The following LATS2 variants were observed in gnomAD, a reference collection of about 807,000 sequenced individuals.
The protein encoded by LATS2 is serine/threonine-protein kinase LATS2.
In LATS2, 24 loss-of-function variants were observed where a neutral mutation model predicts 76.0. The observed-to-expected ratio is 0.32, with a 90% confidence interval of 0.23 to 0.44. LATS2 has a LOEUF of 0.44. LATS2 is among the 20% of genes least tolerant of loss of function. LATS2 has a pLI of 1.00. For missense variants in LATS2, 1,286 were observed against 1,481.2 expected, an observed-to-expected ratio of 0.87 and a Z score of 2.16; for synonymous variants, 692 against 635.4, an observed-to-expected ratio of 1.09 and a Z score of -1.34.
In LATS2 at chr13:20,988,464, T is replaced by A. The variant is rs1870299817; in HGVS notation, c.1316A>T (p.His439Leu). 8.1e-6 allele frequency: 12 copies of A among 1,485,306 alleles called. No individual in the cohort carries two copies. The highest frequency in any genetic ancestry group is 1.1e-5 in the Non-Finnish European group (12 of 1,121,534). 92.0% of individuals were successfully genotyped at this position (1,485,306 alleles called of 1,614,324 possible). The change falls in exon 4 of 8, where the codon CAC becomes CTC. Residue 439 changes from histidine (H) to leucine (L), a missense_variant. Coordinates refer to ENST00000382592, the MANE Select transcript of LATS2 (RefSeq NM_014572.3). The stretch of plus-strand genomic sequence containing the variant: ...CACGCTCTTCACCGGGTGCAAGATG[T>A]GCGCGGCCGTGACAGCCGTCACGGT... The part of the protein sequence containing the change: ...PNTVTAVTAA[H>L]ILHPVKSVRV...
chr13:21,030,535 G>A (rs528820593), intron 2 of LATS2, among the ~76,000 whole-genome samples: 33 of 145,886 alleles, frequency 2.3e-4, no homozygotes, highest in Non-Finnish European at 7.4e-5. Context: ...CTTGCAGCGA[G>A]CTGAGATCAC....
In LATS2 at chr13:21,031,347, T is replaced by C. The variant is rs138236255; in HGVS notation, c.342+14338A>G. Among the ~76,000 whole-genome samples the C allele has an allele frequency of 3.6e-4, 54 of 151,956 alleles. No individual in the cohort carries two copies. The East Asian group carries it at 0.01, about 29-fold the overall frequency. ...TTCACATATACTGGACAACCTCATA[T>C]CATCCCACAAGTCACTGAGATTTCT... On this transcript the variant is annotated intron_variant, in intron 2 of 7. Transcript: ENST00000382592.
At chr13:21,020,273 C>G (rs1425411235) in intron 2 of LATS2, among the ~76,000 whole-genome samples, 1 of 152,190 alleles carries the variant, frequency 6.6e-6, no homozygotes, top group Non-Finnish European at 1.5e-5. Context: ...AAGTGAATAT[C>G]TGAAAGTACA....
At chr13:21,056,710 A>G (rs1873460326) in intron 1 of LATS2, among the ~76,000 whole-genome samples, 1 of 152,216 alleles carries the variant, frequency 6.6e-6, no homozygotes, top group African/African-American at 2.4e-5. Context: ...AATCACTGCT[A>G]TGGACTGAAG....
chr13:20,983,099 T>A, intron 5 of LATS2, 125 bp downstream of exon 5: 1 of 618,014 alleles, frequency 1.6e-6, no homozygotes, highest in South Asian at 2.1e-5. Flanking sequence ...ATTTATAAAA[T>A]AATGGAGTGA....
Position 20,973,760 on chromosome 13 carries a change from A to AT in LATS2, c.*1109_*1110insA. 1 of 230,150 alleles carries AT rather than the reference A, an allele frequency of 4.3e-6. No homozygotes were observed. Among genetic ancestry groups the AT allele is most frequent in the East Asian group, 6.2e-5 (1 of 16,008 alleles). 14.3% of individuals were successfully genotyped at this position (230,150 alleles called of 1,614,324 possible). On this transcript the variant is annotated 3_prime_UTR_variant, in exon 8 of 8. Coordinates refer to ENST00000382592, the MANE Select transcript of LATS2 (RefSeq NM_014572.3). ...AGTAACAGAAGAAAACAGGACTAAGAACATTCACTGAAGCTTTCAGTGTGG... is the reference window on the plus strand; with the variant it reads ...AGTAACAGAAGAAAACAGGACTAAGATACATTCACTGAAGCTTTCAGTGTGG...
intron 7 of LATS2, among the ~76,000 whole-genome samples, chr13:20,978,301 G>A (rs1022470734): frequency 2.6e-5 from 4 of 151,980 alleles, no homozygotes; most frequent in Admixed American, 6.6e-5. Context: ...ATGACCACCA[G>A]GGCATGTGAA....
intron 2 of LATS2, among the ~76,000 whole-genome samples, chr13:21,044,689 G>GGT (rs71090554): frequency 0.026 from 3,545 of 137,642 alleles, 60 homozygotes; most frequent in African/African-American, 0.038. Context: ...GAGGTGTAGG[G>GGT]GTGTGTGTGT....
intron 2 of LATS2, among the ~76,000 whole-genome samples, chr13:20,996,233 T>G (rs1870743103): frequency 6.6e-6 from 1 of 152,196 alleles, no homozygotes; most frequent in Non-Finnish European, 1.5e-5. Context: ...TGACTCAACA[T>G]GTGCAAAACC....
In LATS2 at chr13:20,973,534, G is replaced by GTA. The variant is rs1491027841; in HGVS notation, c.*1334_*1335dup. 4.7e-6 allele frequency: 1 copy of GTA among 211,444 alleles called. No individual in the cohort carries two copies. Among genetic ancestry groups the GTA allele is most frequent in the Non-Finnish European group, 9.4e-6 (1 of 106,010 alleles). 13.1% of individuals were successfully genotyped at this position (211,444 alleles called of 1,614,324 possible). On this transcript the variant is annotated 3_prime_UTR_variant, in exon 8 of 8. Coordinates refer to ENST00000382592, the MANE Select transcript of LATS2 (RefSeq NM_014572.3). ...TATCTCTGTGTGTGTGTGTGTGTGT[G>GTA]TATACACGCACATACATCTATACTT...
intron 2 of LATS2, among the ~76,000 whole-genome samples, chr13:21,001,372 GT>G (rs1406665540): frequency 2.6e-5 from 4 of 152,184 alleles, no homozygotes; most frequent in Non-Finnish European, 5.9e-5. Flanking sequence ...TCCCATCCCT[GT>G]ATGTACGGGC....
intron 5 of LATS2, among the ~76,000 whole-genome samples, chr13:20,982,549 G>T (rs977009004): frequency 6.6e-6 from 1 of 152,056 alleles, no homozygotes; most frequent in African/African-American, 2.4e-5. Context: ...GACCCCAGGT[G>T]ATCCGCCCAC....
chr13:20,994,451 C>A (rs1870653626), intron 2 of LATS2, among the ~76,000 whole-genome samples: 1 of 152,192 alleles, frequency 6.6e-6, no homozygotes, highest in Non-Finnish European at 1.5e-5. Context: ...CCTCTGGGCA[C>A]AAAGTACATG....
intron 7 of LATS2, among the ~76,000 whole-genome samples, chr13:20,978,749 C>T (rs758843168): frequency 2.6e-5 from 4 of 151,932 alleles, no homozygotes; most frequent in Non-Finnish European, 5.9e-5. Context: ...AATAGTAAAC[C>T]TATTTTCTCT....
intron 2 of LATS2, among the ~76,000 whole-genome samples, chr13:21,020,016 T>G (rs1871989379): frequency 6.6e-6 from 1 of 151,508 alleles, no homozygotes; most frequent in African/African-American, 2.4e-5. Context: ...GTCTTCTCAT[T>G]GGCATACTTT....
intron 2 of LATS2, among the ~76,000 whole-genome samples, chr13:21,000,596 G>A (rs1740224739): frequency 6.6e-6 from 1 of 152,040 alleles, no homozygotes; most frequent in African/African-American, 2.4e-5. Flanking sequence ...TCAGATTTAG[G>A]TATAATATAT....
chr13:21,010,164 C>T (rs929951227), intron 2 of LATS2, among the ~76,000 whole-genome samples: 2 of 151,866 alleles, frequency 1.3e-5, no homozygotes, highest in Non-Finnish European at 2.9e-5. Context: ...CGCACCACTG[C>T]ACTCCAGAGT....
chr13:20,982,792 GACCAGCCTGACCA>G (rs1344633496), intron 5 of LATS2, among the ~76,000 whole-genome samples: 2 of 148,420 alleles, frequency 1.3e-5, no homozygotes, highest in Middle Eastern at 3.4e-3. Context: ...GGGAGTTTGA[GACCAGCCTGACCA>G]ACACGGAGAA....
chr13:21,025,790 G>A (rs575462392), intron 2 of LATS2, among the ~76,000 whole-genome samples: 4 of 152,284 alleles, frequency 2.6e-5, no homozygotes, highest in African/African-American at 9.6e-5. Flanking sequence ...TTATTGCTGT[G>A]ACCCCTCAGT....
Sources: gnomAD v4.1 joint callset for allele counts (sites outside exome capture counted in the v4.1 genomes callset) on GRCh38, gnomAD v4.1.1 for gene constraint, MANE v1.5 for transcripts, NCBI Gene and HGNC (gene_info 2026-07-23, HGNC 2026-07-21) for gene names.